EIF4ENIF1: variants seen among roughly 807,000 people sequenced by gnomAD.
EIF4ENIF1 encodes the protein eukaryotic translation initiation factor 4E transporter.
A neutral mutation model predicts 110.5 loss-of-function variants in EIF4ENIF1; 23 were observed. The observed-to-expected ratio is 0.21, with a 90% CI of 0.15 to 0.29. The LOEUF is 0.29. Ranked by LOEUF, EIF4ENIF1 falls within the 10% of genes least tolerant of loss-of-function variation. EIF4ENIF1 has a pLI of 1.00. For synonymous variants in EIF4ENIF1, 440 were observed against 437.0 expected, an observed-to-expected ratio of 1.01 and a Z score of -0.09; for missense variants, 1,031 against 1,221.1, an observed-to-expected ratio of 0.84 and a Z score of 2.32.
intron 2 of EIF4ENIF1, among the ~76,000 whole-genome samples, chr22:31,488,372 C>T (rs1418746945): frequency 6.6e-6 from 1 of 152,086 alleles, no homozygotes; most frequent in Admixed American, 6.6e-5. Context: ...TATACTGATC[C>T]GCAATTTTAA....
Position 31,488,605 on chromosome 22 carries a change from A to C in EIF4ENIF1, c.96+18T>G, listed in dbSNP as rs1229993925. 7 of 1,614,192 alleles carry C rather than the reference A, an allele frequency of 4.3e-6. No individual in the cohort carries two copies. The highest frequency in any genetic ancestry group is 5.9e-6 in the Non-Finnish European group (7 of 1,180,032). ...GCCACCTAAAAAGAAACACTATTTCATTAGTGGCAAACCTTACTTTTGTAT... is the reference window on the plus strand; with the variant it reads ...GCCACCTAAAAAGAAACACTATTTCCTTAGTGGCAAACCTTACTTTTGTAT... On this transcript the variant is annotated intron_variant, in intron 2 of 18. Coordinates refer to ENST00000330125, the MANE Select transcript of EIF4ENIF1 (RefSeq NM_019843.4).
chr22:31,450,406 T>A, intron 10 of EIF4ENIF1, 46 bp from the exon 11 acceptor site: 1 of 1,477,702 alleles, frequency 6.8e-7, no homozygotes, highest in Non-Finnish European at 9.5e-7. Flanking sequence ...TTAACTCACT[T>A]AACTTACAGA....
At chr22:31,473,481 A>AC (rs1375260280) in intron 2 of EIF4ENIF1, among the ~76,000 whole-genome samples, 1 of 151,994 alleles carries the variant, frequency 6.6e-6, no homozygotes, top group East Asian at 1.9e-4. Flanking sequence ...GTCTAGAATC[A>AC]GATATTTGAT....
chr22:31,463,098 C>T lies in EIF4ENIF1; in HGVS notation c.621G>A (p.Glu207=), dbSNP rs764241904. The T allele has an allele frequency of 1.7e-5, 27 of 1,614,034 alleles. No homozygotes were observed. The highest frequency in any genetic ancestry group is 4.0e-5 in the African/African-American group (3 of 74,910). Residue 207 remains glutamate (E), a synonymous_variant, in exon 6 of 19, where the codon GAG becomes GAA. Coordinates refer to ENST00000330125, the MANE Select transcript of EIF4ENIF1 (RefSeq NM_019843.4). ...EFGDSKRVFG[E]RRRNDSYTEE... The stretch of plus-strand genomic sequence containing the variant: ...CTGTGTAAGAATCATTTCTTCTACG[C>T]TCACCAAAGACACGCTTACTATCTC...
At chr22:31,441,550 G>GAAAAAAAAAAAA (rs771597260) in intron 17 of EIF4ENIF1, among the ~76,000 whole-genome samples, 50 of 65,250 alleles carry the variant, frequency 7.7e-4, no homozygotes, top group African/African-American at 2.7e-3. Context: ...CTACAAAAAG[G>GAAAAAAAAAAAA]AAAAAAAAAA....
At chr22:31,464,064 G>T in intron 4 of EIF4ENIF1, 97 bp from the exon 5 acceptor site, 1 of 1,454,738 alleles carries the variant, frequency 6.9e-7, no homozygotes, top group Non-Finnish European at 9.1e-7. Flanking sequence ...GGAAGGGGAT[G>T]GTTGGAAGAG....
chr22:31,442,862 C>G, intron 16 of EIF4ENIF1, 100 bp downstream of exon 16: 2 of 1,485,496 alleles, frequency 1.3e-6, no homozygotes, highest in Non-Finnish European at 1.8e-6. Context: ...AGTGGTCTTG[C>G]CCAGGGCTTT....
chr22:31,489,230 G>C (rs2052164649), intron 1 of EIF4ENIF1: 1 of 153,452 alleles, frequency 6.5e-6, no homozygotes, highest in South Asian at 2.0e-4. Context: ...CAGGCCAGCC[G>C]CACCTGTGGC....
chr22:31,457,187 T>G (rs1403886614), intron 7 of EIF4ENIF1, among the ~76,000 whole-genome samples: 1 of 152,198 alleles, frequency 6.6e-6, no homozygotes, highest in Admixed American at 6.5e-5. Context: ...CTGTTTGAGA[T>G]TAATAGAGAG....
At chr22:31,444,861 G>T (rs144971933) in intron 14 of EIF4ENIF1, among the ~76,000 whole-genome samples, 171 bp from the exon 15 acceptor site, 7 of 152,288 alleles carry the variant, frequency 4.6e-5, no homozygotes, top group African/African-American at 1.7e-4. Context: ...TAAGCTCTGA[G>T]GGAAGACAAA....
At chr22:31,454,572 C>T in intron 9 of EIF4ENIF1, 196 bp from the exon 10 acceptor site, 2 of 595,270 alleles carry the variant, frequency 3.4e-6, no homozygotes, top group Non-Finnish European at 5.9e-6. Flanking sequence ...TAAACTAAAC[C>T]TAAAATGTTT....
intron 2 of EIF4ENIF1, among the ~76,000 whole-genome samples, chr22:31,484,261 A>G (rs1375806539): frequency 6.6e-6 from 1 of 152,178 alleles, no homozygotes; most frequent in Non-Finnish European, 1.5e-5. Context: ...CATTTGCGAA[A>G]CAAGCTAACT....
Position 31,449,520 on chromosome 22 carries a change from A to C in EIF4ENIF1, c.1596T>G (p.Gly532=). ...VPKNILQELL[G]QPVQRPASSN... ...AAGAAGCAGGTCTCTGAACTGGTTG[A>C]CCCAGAAGTTCCTAAAGGCAGAAAA... is the stretch of plus-strand genomic sequence containing the variant. Residue 532 remains glycine, a synonymous_variant, in exon 12 of 19, where the codon GGT becomes GGG. Coordinates refer to ENST00000330125, the MANE Select transcript of EIF4ENIF1 (RefSeq NM_019843.4). 1.2e-6 allele frequency: 2 copies of C among 1,611,270 alleles called. No homozygotes were observed. Among genetic ancestry groups the C allele is most frequent in the Non-Finnish European group, 1.7e-6 (2 of 1,179,252 alleles).
At chr22:31,484,366 C>G (rs754087227) in intron 2 of EIF4ENIF1, among the ~76,000 whole-genome samples, 3 of 152,090 alleles carry the variant, frequency 2.0e-5, no homozygotes, top group Non-Finnish European at 4.4e-5. Context: ...GGGGGAAAAA[C>G]AAAAACTCTT....
intron 2 of EIF4ENIF1, among the ~76,000 whole-genome samples, chr22:31,478,975 T>A (rs1390988771): frequency 1.3e-5 from 2 of 148,374 alleles, no homozygotes; most frequent in African/African-American, 2.5e-5. Context: ...AAAAGTTTGC[T>A]CTCTTTACAA....
At chr22:31,450,738 A>T (rs961134516) in intron 10 of EIF4ENIF1, 2 of 272,636 alleles carry the variant, frequency 7.3e-6, no homozygotes, top group Non-Finnish European at 1.4e-5. Context: ...ACACACACAC[A>T]CACTCATATA....
chr22:31,485,000 T>A (rs2051965397), intron 2 of EIF4ENIF1, among the ~76,000 whole-genome samples: 1 of 152,202 alleles, frequency 6.6e-6, no homozygotes, highest in African/African-American at 2.4e-5. Flanking sequence ...GGAACTAACA[T>A]ATTTATTATA....
rs144780466 is a variant in EIF4ENIF1 at position 31,450,093 on chromosome 22, C to CTT, written c.1584+194_1584+195dup. 3.3e-5 allele frequency among the ~76,000 whole-genome samples: 5 copies of CTT among 152,016 alleles called. No individual in the cohort carries two copies. The East Asian group carries it at 5.8e-4, about 18-fold the overall frequency. ...TAGAAGTCAAGGCTTACTTTGTCAA[C>CTT]TTTTTTAGCCATCCCCTATCCCCTG... On this transcript the variant is annotated intron_variant, in intron 11 of 18. Transcript: ENST00000330125.
At chr22:31,464,033 G>A (rs1299510519) in intron 4 of EIF4ENIF1, 66 bp from the exon 5 acceptor site, 2 of 1,539,748 alleles carry the variant, frequency 1.3e-6, no homozygotes, top group South Asian at 2.5e-5. Flanking sequence ...TTTTTAGATA[G>A]TATGTCCATG....
Sources: allele counts gnomAD v4.1 joint callset (sites outside exome capture counted in the v4.1 genomes callset), GRCh38; gene constraint gnomAD v4.1.1; transcripts MANE v1.5; gene names NCBI Gene and HGNC (gene_info 2026-07-23, HGNC 2026-07-21).